TOGARAM2: variants seen among roughly 807,000 people sequenced by gnomAD.
The protein encoded by TOGARAM2 is TOG array regulator of axonemal microtubules protein 2.
In TOGARAM2, 85 loss-of-function variants were observed where a neutral mutation model predicts 93.3. The ratio of observed to expected loss-of-function variants is 0.91; its 90% CI spans 0.76 to 1.09. The LOEUF (loss-of-function observed/expected upper bound fraction) is 1.09. Ranked by LOEUF, TOGARAM2 falls within the 50% of genes least tolerant of loss-of-function variation. TOGARAM2 has a pLI of 0.00. For synonymous variants in TOGARAM2, 593 were observed against 552.8 expected, an observed-to-expected ratio of 1.07 and a Z score of -1.02; for missense variants, 1,277 against 1,334.5, an observed-to-expected ratio of 0.96 and a Z score of 0.67.
At chr2:29,037,246 ATGT>A (rs1666172691) in intron 18 of TOGARAM2, among the ~76,000 whole-genome samples, 1 of 152,146 alleles carries the variant, frequency 6.6e-6, no homozygotes, top group Non-Finnish European at 1.5e-5. Flanking sequence ...GTTAAGGGAA[ATGT>A]TGGTGCATCT....
At chr2:29,043,111 A>ATTCTT (rs1666532139) in intron 18 of TOGARAM2, among the ~76,000 whole-genome samples, 1 of 152,222 alleles carries the variant, frequency 6.6e-6, no homozygotes, top group African/African-American at 2.4e-5. Flanking sequence ...CCTGGAAACA[A>ATTCTT]ACAGGTGCCA....
chr2:28,989,633 G>A (rs1558405206), intron 1 of TOGARAM2, among the ~76,000 whole-genome samples: 2 of 152,158 alleles, frequency 1.3e-5, no homozygotes, highest in Non-Finnish European at 2.9e-5. Context: ...GGCTGGTCTT[G>A]AACTCAAGCG....
intron 10 of TOGARAM2, among the ~76,000 whole-genome samples, chr2:29,018,951 C>G (rs1418509448): frequency 6.6e-6 from 1 of 152,076 alleles, no homozygotes; most frequent in African/African-American, 2.4e-5. Context: ...GTTTTACTTT[C>G]ATTGTAAATA....
chr2:28,957,704 C>T (rs758015032), intron 1 of TOGARAM2, among the ~76,000 whole-genome samples: 39 of 152,118 alleles, frequency 2.6e-4, no homozygotes, highest in Non-Finnish European at 4.6e-4. Flanking sequence ...ATGATACTTA[C>T]CACACTCTTA....
chr2:28,959,013 C>T lies in TOGARAM2; in HGVS notation c.-147+2316C>T, dbSNP rs4271728. On this transcript the variant is annotated intron_variant, in intron 1 of 6. Coordinates refer to the TOGARAM2 transcript ENST00000401723. ...TGAAGCGGAACCTGAATGACTGTAG[C>T]CCAGCAGCAGGCGTGATGAGAGGGG... 2.9e-4 allele frequency among the ~76,000 whole-genome samples: 44 copies of T among 152,236 alleles called. No homozygotes were observed. The South Asian group carries it at 8.7e-3, about 30-fold the overall frequency.
At chr2:29,003,324 C>A (rs1422350421) in intron 5 of TOGARAM2, among the ~76,000 whole-genome samples, 168 bp from the exon 6 acceptor site, 1 of 152,200 alleles carries the variant, frequency 6.6e-6, no homozygotes. Flanking sequence ...AAAGGGCTTG[C>A]CAGTCTCCTC....
chr2:29,002,638 T>C lies in TOGARAM2; in HGVS notation c.530T>C (p.Leu177Pro), dbSNP rs72786179. 0.09 allele frequency: 145,595 copies of C among 1,613,580 alleles called. 10,454 individuals are homozygous for C. Among genetic ancestry groups the C allele is most frequent in the African/African-American group, 0.39 (28,906 of 74,822 alleles). ...RLLRVPRPMP[L>P]IQSIPTTPEA... is the part of the protein sequence containing the mutation. ...CTGAGGGTGCCCAGGCCGATGCCTC[T>C]CATCCAGAGCATCCCTACCACCCCT... The change falls in exon 5 of 20, where the codon CTC becomes CCC. Residue 177 changes from leucine (L) to proline (P), a missense_variant. Transcript: ENST00000379558.
intron 4 of TOGARAM2, among the ~76,000 whole-genome samples, chr2:29,002,306 C>T (rs1168887041): frequency 6.6e-6 from 1 of 152,180 alleles, no homozygotes; most frequent in Non-Finnish European, 1.5e-5. Flanking sequence ...CCCACGCTGC[C>T]TCTGAATTCT....
In TOGARAM2 at chr2:29,011,443, C is replaced by G. The variant is rs543477480; in HGVS notation, c.831-12C>G. The stretch of plus-strand genomic sequence containing the variant: ...TCCCTCATGATGCTTTTCTCTCCCC[C>G]GTTCTTTTAAGATTGGCTCGGGGGA... On this transcript the variant is annotated splice_polypyrimidine_tract_variant and intron_variant, in intron 6 of 19. Coordinates refer to ENST00000379558, the MANE Select transcript of TOGARAM2 (RefSeq NM_199280.4). 1.2e-6 allele frequency: 2 copies of G among 1,610,694 alleles called. No homozygotes were observed. Among genetic ancestry groups the G allele is most frequent in the African/African-American group, 1.3e-5 (1 of 74,868 alleles).
chr2:28,977,499 C>A (rs1227488112), upstream of TOGARAM2, among the ~76,000 whole-genome samples: 9 of 152,176 alleles, frequency 5.9e-5, 1 homozygote, highest in South Asian at 1.4e-3. Context: ...ATGTATGGGG[C>A]TGAGACTCTG....
At chr2:29,021,061 G>A (rs1248010386) in intron 10 of TOGARAM2, among the ~76,000 whole-genome samples, 1 of 152,162 alleles carries the variant, frequency 6.6e-6, no homozygotes, top group Non-Finnish European at 1.5e-5. Context: ...TTACAGGCAT[G>A]TACCACTATG....
At position 29,017,770 on chromosome 2, in the gene TOGARAM2, AG is replaced by A. The variant is rs1402183104; in HGVS notation, c.1196-20del. ...GGGGAAAACAGACCTGCCTAGTCCT[AG>A]GACTTTCTCTGTGTCCACAGGCCTC... On this transcript the variant is annotated intron_variant, in intron 9 of 19. Transcript: ENST00000379558. The A allele has an allele frequency of 5.7e-6, 9 of 1,589,608 alleles. No individual in the cohort carries two copies. The South Asian group carries it at 1.0e-4, about 18-fold the overall frequency.
intron 1 of TOGARAM2, among the ~76,000 whole-genome samples, chr2:28,958,153 AGAACTGAGGTCCTTGATTGGTTG>A (rs1207929644): frequency 6.6e-6 from 1 of 152,238 alleles, no homozygotes; most frequent in Non-Finnish European, 1.5e-5. Flanking sequence ...TGAGCATTTT[AGAACTGAGGTCCTTGATTGGTTG>A]GAAATCAGGT....
intron 18 of TOGARAM2, among the ~76,000 whole-genome samples, chr2:29,037,919 T>C (rs980730720): frequency 2.0e-5 from 3 of 152,216 alleles, no homozygotes; most frequent in Non-Finnish European, 2.9e-5. Flanking sequence ...TGGGAAAACC[T>C]GTACCAAGCA....
At chr2:29,031,817 T>A (rs1376669747) in intron 14 of TOGARAM2, among the ~76,000 whole-genome samples, 1 of 152,230 alleles carries the variant, frequency 6.6e-6, no homozygotes, top group African/African-American at 2.4e-5. Flanking sequence ...CCAGTTTTTA[T>A]TTTTCTGATT....
At chr2:29,023,233 G>A (rs143815069) in intron 12 of TOGARAM2, 42 bp downstream of exon 12, 39 of 1,498,196 alleles carry the variant, frequency 2.6e-5, no homozygotes, top group Non-Finnish European at 3.2e-5. Context: ...TGGCCCCACT[G>A]CAGCTGCTGG....
chr2:29,032,860 A>G (rs1254201579), intron 14 of TOGARAM2, 74 bp from the exon 15 acceptor site: 1 of 1,235,314 alleles, frequency 8.1e-7, no homozygotes, highest in African/African-American at 1.5e-5. Context: ...TAGGAAGATT[A>G]TGTAAAGCTG....
In TOGARAM2 at chr2:29,023,152, CGG is replaced by C. The variant is rs1665079889; in HGVS notation, c.1580_1581del (p.Gly527GlufsTer103). 6.2e-7 allele frequency: 1 copy of C among 1,600,412 alleles called. No homozygotes were observed. The highest frequency in any genetic ancestry group is 1.7e-5 in the Admixed American group (1 of 57,964). On this transcript the variant is annotated frameshift_variant, in exon 12 of 20. Coordinates refer to ENST00000379558, the MANE Select transcript of TOGARAM2 (RefSeq NM_199280.4). LOFTEE classifies it high-confidence loss of function. ...LAACHSEVLT[G>X]KLHDVCLVVT... The stretch of plus-strand genomic sequence containing the variant: ...CAGCCTGTCACTCAGAGGTCCTCAC[CGG>C]GAAGCTGCACGACGTGTGCTTGGTG...
chr2:28,998,571 C>T (rs756592874), intron 3 of TOGARAM2, among the ~76,000 whole-genome samples: 3 of 152,168 alleles, frequency 2.0e-5, no homozygotes, highest in Non-Finnish European at 4.4e-5. Flanking sequence ...AGCGTCTCTG[C>T]CACTTGTCCA....
Sources: gnomAD v4.1 joint callset for allele counts (sites outside exome capture counted in the v4.1 genomes callset) on GRCh38, gnomAD v4.1.1 for gene constraint, MANE v1.5 for transcripts, NCBI Gene and HGNC (gene_info 2026-07-23, HGNC 2026-07-21) for gene names.